ADGRL3: variants seen among roughly 807,000 people sequenced by gnomAD.
ADGRL3 encodes the protein adhesion G protein-coupled receptor L3.
In ADGRL3, 62 loss-of-function variants were observed where a neutral mutation model predicts 153.5. That is an observed-to-expected ratio of 0.40 (90% confidence interval 0.33 to 0.50). The LOEUF (loss-of-function observed/expected upper bound fraction) is 0.50, where lower values mean the gene tolerates loss of function less well. Among genes scored for constraint, ADGRL3 ranks in the 20% least tolerant of loss-of-function variants. ADGRL3 has a pLI of 0.47. For synonymous variants in ADGRL3, 710 were observed against 672.5 expected, an observed-to-expected ratio of 1.06 and a Z score of -0.86; for missense variants, 1,641 against 1,859.4, an observed-to-expected ratio of 0.88 and a Z score of 2.16.
chr4:61,706,428 A>T (rs1411803010), intron 6 of ADGRL3, among the ~76,000 whole-genome samples: 1 of 102,092 alleles, frequency 9.8e-6, no homozygotes, highest in Non-Finnish European at 2.4e-5. Context: ...TCCCTCTCAA[A>T]AAAAAAAAAA....
chr4:61,756,583 C>A (rs559785709), intron 8 of ADGRL3, among the ~76,000 whole-genome samples: 3 of 152,272 alleles, frequency 2.0e-5, no homozygotes, highest in Non-Finnish European at 2.9e-5. Flanking sequence ...AATTTCACTT[C>A]CTCTTTTCCT....
intron 25 of ADGRL3, among the ~76,000 whole-genome samples, chr4:62,047,277 C>A (rs555621166): frequency 3.5e-4 from 53 of 151,726 alleles, no homozygotes; most frequent in Non-Finnish European, 6.8e-4. Flanking sequence ...AAAATTAGTC[C>A]TATTTTTACT....
intron 8 of ADGRL3, among the ~76,000 whole-genome samples, chr4:61,743,117 T>A (rs4631083): frequency 2.0e-5 from 3 of 151,542 alleles, no homozygotes; most frequent in South Asian, 2.1e-4. Context: ...TTAGAAGATC[T>A]AGACCATCCT....
At chr4:61,579,746 G>A in intron 4 of ADGRL3, 1 of 313,660 alleles carries the variant, frequency 3.2e-6, no homozygotes, top group Admixed American at 4.6e-5. Flanking sequence ...GAACATAGTT[G>A]TCTTTGGTTA....
intron 5 of ADGRL3, among the ~76,000 whole-genome samples, chr4:61,605,766 T>C (rs1276129887): frequency 1.3e-5 from 2 of 152,172 alleles, no homozygotes. Context: ...TAGACCTTTA[T>C]GAAAAGCTTA....
intron 5 of ADGRL3, among the ~76,000 whole-genome samples, chr4:61,661,456 G>A (rs1332715842): frequency 1.3e-5 from 2 of 151,990 alleles, no homozygotes; most frequent in Non-Finnish European, 2.9e-5. Context: ...GAAAACCACA[G>A]CCTTACATCA....
chr4:61,671,082 G>T (rs879290478), intron 5 of ADGRL3, among the ~76,000 whole-genome samples: 1 of 151,980 alleles, frequency 6.6e-6, no homozygotes, highest in Non-Finnish European at 1.5e-5. Context: ...CTCTCTATCT[G>T]CCTAAACAGC....
chr4:62,006,024 A>T (rs372253107), intron 21 of ADGRL3, among the ~76,000 whole-genome samples: 2 of 102,444 alleles, frequency 2.0e-5, no homozygotes, highest in South Asian at 7.2e-4. Context: ...ATATATATAT[A>T]TATATATATT....
chr4:61,221,057 A>G lies in ADGRL3; in HGVS notation c.-240+19292A>G, dbSNP rs897364927. Among the ~76,000 whole-genome samples, 8 of 152,316 alleles carry G rather than the reference A, an allele frequency of 5.3e-5. No individual in the cohort carries two copies. In the East Asian group the frequency reaches 5.8e-4, roughly 11 times the overall value. ...AAAACTGCTTATTTTAAAAGTGACA[A>G]TTTAAGAAAACAGTGTCACTATTGC... On this transcript the variant is annotated intron_variant, in intron 1 of 26. Coordinates refer to ENST00000683033, the MANE Select transcript of ADGRL3 (RefSeq NM_001387552.1).
At chr4:61,915,533 T>A (rs1481398655) in intron 13 of ADGRL3, among the ~76,000 whole-genome samples, 5 of 152,030 alleles carry the variant, frequency 3.3e-5, no homozygotes, top group African/African-American at 1.2e-4. Flanking sequence ...CAAACATGAA[T>A]CTCTGGTGGA....
chr4:61,204,214 A>G (rs1448385323), intron 1 of ADGRL3, among the ~76,000 whole-genome samples: 3 of 152,202 alleles, frequency 2.0e-5, no homozygotes, highest in Non-Finnish European at 4.4e-5. Context: ...CATAGATTGC[A>G]AAAGACACTG....
chr4:61,337,369 C>A (rs2095701228), intron 1 of ADGRL3, among the ~76,000 whole-genome samples: 1 of 152,110 alleles, frequency 6.6e-6, no homozygotes, highest in Non-Finnish European at 1.5e-5. Context: ...ATTTGTTTTC[C>A]TTCCCTCCAC....
At chr4:61,543,012 C>T (rs1002720943) in intron 4 of ADGRL3, among the ~76,000 whole-genome samples, 4 of 152,134 alleles carry the variant, frequency 2.6e-5, no homozygotes, top group African/African-American at 7.2e-5. Context: ...TAGTCAGACT[C>T]ACAGAATTGA....
rs538534971 is a variant in ADGRL3, at chr4:61,364,341, A to T, written c.-239-18783A>T. ...AGTGAGACTCCGTCTCAAAAAAAAA[A>T]AAAAATAATAATAATAATAATTTTA... On this transcript the variant is annotated intron_variant, in intron 1 of 26. Transcript: ENST00000683033. Among the ~76,000 whole-genome samples, 110 of 148,002 alleles carry T rather than the reference A, an allele frequency of 7.4e-4. 1 individual carries two copies. The South Asian group carries it at 0.013, about 18-fold the overall frequency.
chr4:61,339,171 T>C (rs768117310), intron 1 of ADGRL3, among the ~76,000 whole-genome samples: 1 of 152,212 alleles, frequency 6.6e-6, no homozygotes, highest in Non-Finnish European at 1.5e-5. Flanking sequence ...CAGTACTTTC[T>C]ATTAAATGAT....
At chr4:61,671,815 T>C (rs1032051625) in intron 5 of ADGRL3, among the ~76,000 whole-genome samples, 1 of 152,092 alleles carries the variant, frequency 6.6e-6, no homozygotes, top group Non-Finnish European at 1.5e-5. Context: ...TGACTCATTC[T>C]CCCACAAGAC....
At chr4:61,502,926 T>C (rs1268624486) in intron 3 of ADGRL3, among the ~76,000 whole-genome samples, 1 of 152,186 alleles carries the variant, frequency 6.6e-6, no homozygotes, top group African/African-American at 2.4e-5. Context: ...ACCTAGGTAA[T>C]TTGTAATATC....
chr4:61,748,273 A>G (rs1237344509), intron 8 of ADGRL3, among the ~76,000 whole-genome samples: 3 of 152,118 alleles, frequency 2.0e-5, no homozygotes, highest in East Asian at 3.9e-4. Flanking sequence ...CATGAAAATG[A>G]CCACACTGCC....
At chr4:61,416,667 A>G (rs1399391280) in intron 2 of ADGRL3, among the ~76,000 whole-genome samples, 2 of 152,150 alleles carry the variant, frequency 1.3e-5, no homozygotes, top group Admixed American at 6.5e-5. Context: ...AAATTTTAAA[A>G]AAGAATTGGT....
Sources: gnomAD v4.1 joint callset for allele counts (sites outside exome capture counted in the v4.1 genomes callset) on GRCh38, gnomAD v4.1.1 for gene constraint, MANE v1.5 for transcripts, NCBI Gene and HGNC (gene_info 2026-07-23, HGNC 2026-07-21) for gene names.